Variants in ANKFN1 observed in about 807,000 individuals in gnomAD.
ANKFN1 encodes the protein ankyrin repeat and fibronectin type-III domain-containing protein 1.
A neutral mutation model predicts 108.7 loss-of-function variants in ANKFN1; 74 were observed. That is an observed-to-expected ratio of 0.68 (90% CI 0.56 to 0.83). The LOEUF is 0.83. ANKFN1 is among the 40% of genes least tolerant of loss of function. The pLI is 0.00. For synonymous variants in ANKFN1, 547 were observed against 516.2 expected, an observed-to-expected ratio of 1.06 and a Z score of -0.81; for missense variants, 1,505 against 1,382.3, an observed-to-expected ratio of 1.09 and a Z score of -1.41.
chr17:56,089,942 T>A (rs1204350855), intron 4 of ANKFN1, among the ~76,000 whole-genome samples: 3 of 151,396 alleles, frequency 2.0e-5, no homozygotes, highest in African/African-American at 7.3e-5. Flanking sequence ...AAGAGAGACT[T>A]TGCTAAGTAT....
At chr17:56,440,646 G>T (rs2145160786) in intron 9 of ANKFN1, among the ~76,000 whole-genome samples, 1 of 152,148 alleles carries the variant, frequency 6.6e-6, no homozygotes, top group East Asian at 1.9e-4. Context: ...AAGGAGATCA[G>T]AAAAAGACTG....
chr17:56,187,514 A>G (rs540358569), intron 1 of ANKFN1, among the ~76,000 whole-genome samples: 3 of 152,348 alleles, frequency 2.0e-5, no homozygotes, highest in African/African-American at 7.2e-5. Flanking sequence ...CAACCATTGT[A>G]GAAGACAGTG....
At chr17:56,162,565 T>G (rs1909761877) in intron 1 of ANKFN1, among the ~76,000 whole-genome samples, 1 of 152,220 alleles carries the variant, frequency 6.6e-6, no homozygotes, top group African/African-American at 2.4e-5. Flanking sequence ...ACTTAAGTAC[T>G]TCTTTAAAGA....
chr17:56,507,277 T>C (rs2051601215), intron 20 of ANKFN1, among the ~76,000 whole-genome samples: 2 of 152,218 alleles, frequency 1.3e-5, no homozygotes, highest in African/African-American at 4.8e-5. Flanking sequence ...TACTAAGGCT[T>C]TTTTAAAGAA....
intron 1 of ANKFN1, among the ~76,000 whole-genome samples, chr17:56,211,482 A>T (rs983693757): frequency 5.3e-5 from 8 of 152,134 alleles, no homozygotes; most frequent in Non-Finnish European, 8.8e-5. Context: ...TTTTTGTACC[A>T]ATACCATGCT....
rs1430917164 is a variant in ANKFN1, at chr17:56,515,267, A to T, written c.*3998A>T. Among the ~76,000 whole-genome samples the T allele has an allele frequency of 6.6e-6, 1 of 152,174 alleles. No individual in the cohort carries two copies. Among genetic ancestry groups the T allele is most frequent in the African/African-American group, 2.4e-5 (1 of 41,442 alleles). On this transcript the variant is annotated 3_prime_UTR_variant, in exon 21 of 21. Coordinates refer to ENST00000682825, the MANE Select transcript of ANKFN1 (RefSeq NM_001370326.1). ...TGTGTATTTCTTGGTATATGTGCTT[A>T]TTAAGCTATCACATACCAATTAGAG...
At chr17:56,381,981 T>C (rs2047118974) in intron 8 of ANKFN1, among the ~76,000 whole-genome samples, 1 of 152,008 alleles carries the variant, frequency 6.6e-6, no homozygotes, top group East Asian at 1.9e-4. Context: ...AGACACATAA[T>C]TGTCAGATTC....
chr17:56,504,139 C>T (rs2051474662), intron 20 of ANKFN1, among the ~76,000 whole-genome samples: 1 of 152,226 alleles, frequency 6.6e-6, no homozygotes, highest in Non-Finnish European at 1.5e-5. Flanking sequence ...TCCACTAAGT[C>T]TTCTAATAAA....
At chr17:56,338,698 G>T (rs1051296511) in intron 4 of ANKFN1, among the ~76,000 whole-genome samples, 13 of 151,938 alleles carry the variant, frequency 8.6e-5, no homozygotes, top group African/African-American at 2.9e-4. Context: ...TCCATTTCAA[G>T]ATACTCTTAT....
chr17:56,279,480 G>C (rs966911076), intron 3 of ANKFN1, among the ~76,000 whole-genome samples: 3 of 152,180 alleles, frequency 2.0e-5, no homozygotes, highest in African/African-American at 7.2e-5. Flanking sequence ...ACAGTCTTTT[G>C]TTTTTATAGC....
intron 1 of ANKFN1, among the ~76,000 whole-genome samples, chr17:56,205,869 G>C (rs1914489611): frequency 6.6e-6 from 1 of 152,044 alleles, no homozygotes; most frequent in Admixed American, 6.5e-5. Context: ...GAATCTCTTG[G>C]TTAATAATCC....
intron 8 of ANKFN1, among the ~76,000 whole-genome samples, chr17:56,434,781 T>TTCTCTC (rs57734269): frequency 1.2e-4 from 18 of 150,286 alleles, no homozygotes; most frequent in Admixed American, 1.1e-3. Flanking sequence ...CGGCACGTCC[T>TTCTCTC]TCTCTCTCTC....
At chr17:56,345,411 A>G (rs571657747) in intron 4 of ANKFN1, among the ~76,000 whole-genome samples, 2 of 152,270 alleles carry the variant, frequency 1.3e-5, no homozygotes, top group Admixed American at 1.3e-4. Flanking sequence ...TATATCCAGT[A>G]ATGGGATCAC....
At chr17:56,093,853 C>T (rs534424067) in intron 4 of ANKFN1, among the ~76,000 whole-genome samples, 4 of 151,344 alleles carry the variant, frequency 2.6e-5, no homozygotes, top group East Asian at 3.9e-4. Flanking sequence ...TTGAATTGTG[C>T]GCCCCAACCA....
At chr17:56,156,961 G>A (rs1159048959) in intron 1 of ANKFN1, among the ~76,000 whole-genome samples, 1 of 149,836 alleles carries the variant, frequency 6.7e-6, no homozygotes, top group Admixed American at 6.6e-5. Context: ...AAGTTTGCCA[G>A]CCCCCCATCT....
At chr17:56,249,060 A>G (rs574375574) in intron 3 of ANKFN1, among the ~76,000 whole-genome samples, 2 of 152,324 alleles carry the variant, frequency 1.3e-5, no homozygotes, top group Admixed American at 1.3e-4. Flanking sequence ...GTTTGGTTAG[A>G]ACAGCTCGGG....
chr17:56,167,490 C>T (rs1255929762), intron 1 of ANKFN1, among the ~76,000 whole-genome samples: 2 of 152,010 alleles, frequency 1.3e-5, no homozygotes, highest in Non-Finnish European at 2.9e-5. Context: ...TGTGGTAAAG[C>T]AGTGCAAACT....
intron 3 of ANKFN1, among the ~76,000 whole-genome samples, chr17:56,265,681 G>A (rs1037662379): frequency 1.3e-5 from 2 of 152,180 alleles, no homozygotes; most frequent in African/African-American, 2.4e-5. Flanking sequence ...AAAATCCATG[G>A]ATGCTCAAAT....
chr17:56,169,867 C>A (rs953485702), intron 1 of ANKFN1, among the ~76,000 whole-genome samples: 2 of 152,188 alleles, frequency 1.3e-5, no homozygotes, highest in African/African-American at 4.8e-5. Context: ...AAGAGCAAGT[C>A]CCCTAAGGCT....
Sources: allele counts gnomAD v4.1 joint callset (sites outside exome capture counted in the v4.1 genomes callset), GRCh38; gene constraint gnomAD v4.1.1; transcripts MANE v1.5; gene names NCBI Gene and HGNC (gene_info 2026-07-23, HGNC 2026-07-21).